The following DLGAP1 variants were observed in gnomAD, a reference collection of about 807,000 sequenced individuals.
DLGAP1 encodes the protein disks large-associated protein 1.
Under a neutral mutation model 90.8 loss-of-function variants are expected in DLGAP1, and 11 were observed. The ratio of observed to expected loss-of-function variants is 0.12; its 90% CI spans 0.08 to 0.20. The LOEUF (loss-of-function observed/expected upper bound fraction) is 0.20. Ranked by LOEUF, DLGAP1 falls within the 10% of genes least tolerant of loss-of-function variation. The pLI, the probability that DLGAP1 is intolerant of heterozygous loss-of-function variation, is 1.00. For missense variants in DLGAP1, 1,050 were observed against 1,333.8 expected, an observed-to-expected ratio of 0.79 and a Z score of 3.31; for synonymous variants, 558 against 540.7, an observed-to-expected ratio of 1.03 and a Z score of -0.44.
intron 1 of DLGAP1, among the ~76,000 whole-genome samples, chr18:4,230,697 AT>A (rs1234194287): frequency 6.7e-6 from 1 of 149,448 alleles, no homozygotes; most frequent in Non-Finnish European, 1.5e-5. Flanking sequence ...AATGACTAAG[AT>A]CTAGTATGTG....
At position 4,205,143 on chromosome 18, in the gene DLGAP1, T is replaced by C. The variant is rs188561722; in HGVS notation, c.-266-53856A>G. Among the ~76,000 whole-genome samples the C allele has an allele frequency of 1.9e-3, 285 of 151,902 alleles. 1 individual carries two copies. The highest frequency in any genetic ancestry group is 6.6e-3 in the African/African-American group (272 of 41,434). On this transcript the variant is annotated intron_variant, in intron 1 of 12. Transcript: ENST00000315677. ...GCATGTTGACAGATGCCTGAGGAGG[T>C]AATAGGAAGCTTTTCAGAAGTCACA...
intron 7 of DLGAP1, among the ~76,000 whole-genome samples, chr18:3,632,032 C>T (rs964180302): frequency 2.0e-5 from 3 of 152,100 alleles, no homozygotes; most frequent in African/African-American, 7.2e-5. Flanking sequence ...ACCTCGGCTT[C>T]CCCAAGAGAT....
At chr18:3,733,855 T>C (rs1241517130) in intron 6 of DLGAP1, among the ~76,000 whole-genome samples, 2 of 152,264 alleles carry the variant, frequency 1.3e-5, no homozygotes, top group African/African-American at 4.8e-5. Flanking sequence ...CACATCATTT[T>C]CTTCCAGCAT....
chr18:3,748,358 A>G lies in DLGAP1; in HGVS notation c.1173-5846T>C, dbSNP rs191227069. On this transcript the variant is annotated intron_variant, in intron 5 of 12. Coordinates refer to ENST00000315677, the MANE Select transcript of DLGAP1 (RefSeq NM_004746.4). ...CACAAAGTTTTAAACCAGTGTCTCA[A>G]AAGACAAAATGACTAACTTTGCAAC... is the stretch of plus-strand genomic sequence containing the variant. 1.2e-3 allele frequency among the ~76,000 whole-genome samples: 178 copies of G among 152,382 alleles called. 2 individuals are homozygous for G. The highest frequency in any genetic ancestry group is 1.0e-3 in the Admixed American group (16 of 15,310).
At chr18:4,076,137 C>G (rs1279299870) in intron 2 of DLGAP1, among the ~76,000 whole-genome samples, 3 of 152,152 alleles carry the variant, frequency 2.0e-5, no homozygotes, top group African/African-American at 7.2e-5. Context: ...TTTATTGGTT[C>G]TCAGCTCAGT....
intron 3 of DLGAP1, among the ~76,000 whole-genome samples, chr18:3,899,824 C>T (rs1054517499): frequency 6.6e-6 from 1 of 152,140 alleles, no homozygotes; most frequent in Non-Finnish European, 1.5e-5. Context: ...TGCAAGTTTT[C>T]CTGCTAAGAT....
At chr18:4,398,479 T>C (rs557961661) in intron 1 of DLGAP1, among the ~76,000 whole-genome samples, 1 of 152,248 alleles carries the variant, frequency 6.6e-6, no homozygotes, top group Admixed American at 6.5e-5. Context: ...TTGGTCCTGC[T>C]TGATCCTGGA....
chr18:3,855,947 T>C (rs2069617809), intron 4 of DLGAP1, among the ~76,000 whole-genome samples: 1 of 152,128 alleles, frequency 6.6e-6, no homozygotes, highest in Non-Finnish European at 1.5e-5. Context: ...CCAAGACAAA[T>C]TCAAAGAGAA....
At chr18:4,245,410 C>T (rs2078633848) in intron 1 of DLGAP1, among the ~76,000 whole-genome samples, 2 of 152,200 alleles carry the variant, frequency 1.3e-5, no homozygotes, top group Non-Finnish European at 2.9e-5. Flanking sequence ...AGAGATTTTC[C>T]TGCACATTTC....
chr18:4,343,223 C>T (rs1041633223), intron 1 of DLGAP1, among the ~76,000 whole-genome samples: 12 of 150,660 alleles, frequency 8.0e-5, no homozygotes, highest in Non-Finnish European at 1.5e-4. Context: ...AGGAGAATGG[C>T]GTGAACCCAG....
intron 1 of DLGAP1, among the ~76,000 whole-genome samples, chr18:4,395,345 T>C (rs2082417437): frequency 1.3e-5 from 2 of 151,462 alleles, no homozygotes; most frequent in African/African-American, 4.8e-5. Flanking sequence ...TTTCTCTGGG[T>C]CAAAAAAAAT....
intron 4 of DLGAP1, chr18:3,845,219 G>A: frequency 6.2e-7 from 1 of 1,612,082 alleles, no homozygotes; most frequent in East Asian, 2.2e-5. Context: ...GCCCAGAATT[G>A]CTATTAGCTT....
intron 5 of DLGAP1, among the ~76,000 whole-genome samples, chr18:3,789,756 T>C (rs1456574963): frequency 7.2e-5 from 11 of 152,140 alleles, no homozygotes; most frequent in Non-Finnish European, 1.3e-4. Flanking sequence ...GCTGTGGCAT[T>C]TGGGAGGACA....
chr18:4,363,535 C>T (rs1211956508), intron 1 of DLGAP1, among the ~76,000 whole-genome samples: 2 of 152,100 alleles, frequency 1.3e-5, no homozygotes, highest in Admixed American at 6.5e-5. Flanking sequence ...CCAGAATCTA[C>T]AATGAACTCA....
chr18:3,538,460 A>G (rs998180075), intron 9 of DLGAP1, among the ~76,000 whole-genome samples: 1 of 152,208 alleles, frequency 6.6e-6, no homozygotes, highest in South Asian at 2.1e-4. Flanking sequence ...TGTGCTAGCA[A>G]TGAAAGAAAG....
At chr18:4,451,516 T>A (rs1016978137) in intron 1 of DLGAP1, among the ~76,000 whole-genome samples, 1 of 152,214 alleles carries the variant, frequency 6.6e-6, no homozygotes, top group African/African-American at 2.4e-5. Context: ...TAAATCCTCC[T>A]CTGTGGTAAT....
chr18:4,155,784 T>C (rs773214689), intron 1 of DLGAP1, among the ~76,000 whole-genome samples: 14 of 152,114 alleles, frequency 9.2e-5, no homozygotes, highest in Non-Finnish European at 1.6e-4. Context: ...TTTTCAGCTT[T>C]TACTCTGAGA....
chr18:3,992,885 G>C (rs2073996223), intron 3 of DLGAP1, among the ~76,000 whole-genome samples: 1 of 152,144 alleles, frequency 6.6e-6, no homozygotes, highest in Admixed American at 6.5e-5. Context: ...AAGGAACGCT[G>C]GCAATTCACA....
intron 1 of DLGAP1, among the ~76,000 whole-genome samples, chr18:4,419,950 T>C (rs1037452488): frequency 1.6e-4 from 24 of 152,052 alleles, no homozygotes; most frequent in African/African-American, 5.8e-4. Context: ...ACTTTACATA[T>C]GTACAGACAG....
Sources: gnomAD v4.1 joint callset for allele counts (sites outside exome capture counted in the v4.1 genomes callset) on GRCh38, gnomAD v4.1.1 for gene constraint, MANE v1.5 for transcripts, NCBI Gene and HGNC (gene_info 2026-07-23, HGNC 2026-07-21) for gene names.